The following RGS7 variants were observed in gnomAD, a reference collection of about 807,000 sequenced individuals.
RGS7 encodes the protein regulator of G protein signaling 7.
In RGS7, 27 loss-of-function variants were observed where a neutral mutation model predicts 81.1. The ratio of observed to expected loss-of-function variants is 0.33; its 90% CI spans 0.25 to 0.46. The LOEUF is 0.46. Ranked by LOEUF, RGS7 falls within the 20% of genes least tolerant of loss-of-function variation. The probability of loss-of-function intolerance (pLI) is 1.00; values close to 1 mark genes in which losing one functional copy is unlikely to be tolerated. For missense variants in RGS7, 396 were observed against 607.4 expected (o/e 0.65, Z 3.66); for synonymous variants, 208 against 207.7 (o/e 1.00, Z -0.01).
chr1:241,094,800 T>C (rs971174027), intron 3 of RGS7, among the ~76,000 whole-genome samples: 14 of 152,200 alleles, frequency 9.2e-5, no homozygotes, highest in African/African-American at 3.1e-4. Flanking sequence ...AGCATCACTT[T>C]CTCAACACAG....
intron 6 of RGS7, among the ~76,000 whole-genome samples, chr1:240,877,153 G>C (rs367642901): frequency 6.6e-6 from 1 of 151,712 alleles, no homozygotes; most frequent in East Asian, 1.9e-4. Flanking sequence ...AAAATGATGT[G>C]TACAAATTGT....
At chr1:240,876,082 A>G (rs983756605) in intron 6 of RGS7, among the ~76,000 whole-genome samples, 2 of 152,100 alleles carry the variant, frequency 1.3e-5, no homozygotes, top group African/African-American at 4.8e-5. Context: ...ACATTCACAC[A>G]TTTTATTTTT....
At chr1:241,146,384 A>T (rs2068310398) in intron 2 of RGS7, among the ~76,000 whole-genome samples, 2 of 152,126 alleles carry the variant, frequency 1.3e-5, no homozygotes, top group South Asian at 4.1e-4. Flanking sequence ...TATATAAGAG[A>T]CTTGAGCATC....
intron 3 of RGS7, among the ~76,000 whole-genome samples, chr1:241,094,770 T>C (rs1255631412): frequency 6.6e-6 from 1 of 152,228 alleles, no homozygotes; most frequent in African/African-American, 2.4e-5. Flanking sequence ...TTGCAGATGT[T>C]GCAGGGGGAA....
intron 2 of RGS7, among the ~76,000 whole-genome samples, chr1:241,330,449 T>C (rs894158868): frequency 2.0e-5 from 3 of 152,262 alleles, no homozygotes; most frequent in African/African-American, 7.2e-5. Flanking sequence ...TGGGTTTAAA[T>C]AACCCATCAC....
intron 10 of RGS7, among the ~76,000 whole-genome samples, chr1:240,818,814 C>T (rs540966819): frequency 4.6e-5 from 7 of 152,104 alleles, no homozygotes; most frequent in South Asian, 2.1e-4. Context: ...TCTTGGTCAA[C>T]GGGTACAAAG....
intron 6 of RGS7, chr1:240,920,134 C>G (rs563978045): frequency 3.2e-6 from 3 of 929,504 alleles, no homozygotes; most frequent in African/African-American, 1.6e-5. Context: ...GTGGATAAGA[C>G]GGTCATTCAG....
At chr1:241,333,559 C>T (rs1307642592) in intron 2 of RGS7, among the ~76,000 whole-genome samples, 1 of 152,140 alleles carries the variant, frequency 6.6e-6, no homozygotes, top group Non-Finnish European at 1.5e-5. Context: ...ATGAGGACTG[C>T]TGTGAGGACT....
intron 2 of RGS7, among the ~76,000 whole-genome samples, chr1:241,166,131 A>G (rs1276862860): frequency 6.6e-6 from 1 of 152,174 alleles, no homozygotes; most frequent in Non-Finnish European, 1.5e-5. Context: ...AACACAGGAG[A>G]CTGATTTACA....
intron 3 of RGS7, among the ~76,000 whole-genome samples, chr1:241,036,105 A>C (rs920470357): frequency 1.3e-5 from 2 of 152,222 alleles, no homozygotes; most frequent in Non-Finnish European, 2.9e-5. Flanking sequence ...ATAAAAAGAT[A>C]ATTCCTACGG....
At chr1:241,148,295 C>G (rs950464680) in intron 2 of RGS7, among the ~76,000 whole-genome samples, 9 of 152,056 alleles carry the variant, frequency 5.9e-5, no homozygotes, top group Non-Finnish European at 1.0e-4. Flanking sequence ...AAGTGATCCA[C>G]CCACCTCGGC....
intron 2 of RGS7, among the ~76,000 whole-genome samples, chr1:241,292,373 AT>A (rs2079139144): frequency 6.6e-6 from 1 of 151,990 alleles, no homozygotes; most frequent in Non-Finnish European, 1.5e-5. Flanking sequence ...TTAGTGCAAA[AT>A]AAAAAGAGAG....
intron 2 of RGS7, among the ~76,000 whole-genome samples, chr1:241,238,435 A>G (rs2076095509): frequency 6.6e-6 from 1 of 152,150 alleles, no homozygotes; most frequent in Non-Finnish European, 1.5e-5. Flanking sequence ...TGTGCCACCA[A>G]AACAGACATC....
In RGS7 at chr1:240,816,421, T is replaced by A; in HGVS notation, c.685-6A>T. 6.5e-7 allele frequency: 1 copy of A among 1,549,424 alleles called. No homozygotes were observed. Among genetic ancestry groups the A allele is most frequent in the Non-Finnish European group, 8.9e-7 (1 of 1,121,464 alleles). On this transcript the variant is annotated splice_region_variant and splice_polypyrimidine_tract_variant and intron_variant, in intron 10 of 18. Transcript: ENST00000440928. ...TTTTGTAAACCATAGACAGACTATA[T>A]TAAAATAAAAAATAAACATTTTAGG...
intron 3 of RGS7, among the ~76,000 whole-genome samples, chr1:241,053,139 G>A (rs2061334179): frequency 6.6e-6 from 1 of 152,124 alleles, no homozygotes; most frequent in Non-Finnish European, 1.5e-5. Context: ...CCAGAATCCA[G>A]TAAAACTTGG....
intron 9 of RGS7, among the ~76,000 whole-genome samples, chr1:240,846,155 T>C (rs570218657): frequency 6.6e-6 from 1 of 152,328 alleles, no homozygotes; most frequent in South Asian, 2.1e-4. Flanking sequence ...AAGTGAAGCC[T>C]AGTCTCTGTC....
At chr1:240,948,838 T>A (rs1313845278) in intron 4 of RGS7, among the ~76,000 whole-genome samples, 2 of 149,758 alleles carry the variant, frequency 1.3e-5, no homozygotes, top group Non-Finnish European at 3.0e-5. Flanking sequence ...TAGTATAACA[T>A]ACATATATAT....
intron 5 of RGS7, among the ~76,000 whole-genome samples, chr1:240,933,928 T>C (rs1366774344): frequency 6.6e-6 from 1 of 152,004 alleles, no homozygotes; most frequent in Non-Finnish European, 1.5e-5. Context: ...GATTTCTGTT[T>C]ATCTCAAATT....
At chr1:241,300,174 T>C (rs2079663226) in intron 2 of RGS7, among the ~76,000 whole-genome samples, 1 of 151,716 alleles carries the variant, frequency 6.6e-6, no homozygotes, top group Admixed American at 6.6e-5. Context: ...AAGTGGAAAG[T>C]ACAGTTTCCA....
Sources: gnomAD v4.1 joint callset for allele counts (sites outside exome capture counted in the v4.1 genomes callset) on GRCh38, gnomAD v4.1.1 for gene constraint, MANE v1.5 for transcripts, NCBI Gene and HGNC (gene_info 2026-07-23, HGNC 2026-07-21) for gene names.